The following SPATA22 variants were observed in gnomAD, a reference collection of about 807,000 sequenced individuals.
SPATA22 encodes the protein spermatogenesis associated 22, also known as spermatogenesis-associated protein 22.
A neutral mutation model predicts 47.8 loss-of-function variants in SPATA22; 29 were observed. The observed-to-expected ratio is 0.61, with a 90% CI of 0.45 to 0.83. The LOEUF is 0.83. SPATA22 is among the 40% of genes least tolerant of loss of function. The pLI is 0.00. For synonymous variants in SPATA22, 133 were observed against 140.9 expected (o/e 0.94, Z 0.40); for missense variants, 410 against 421.7 (o/e 0.97, Z 0.24).
At chr17:3,494,223 C>T (rs898690999) in intron 1 of SPATA22, 5 of 700,064 alleles carry the variant, frequency 7.1e-6, no homozygotes, top group South Asian at 1.4e-5. Flanking sequence ...AGGCTGTTCT[C>T]GAACTCCTGA....
At chr17:3,464,115 C>G (rs1452942308) in intron 3 of SPATA22, among the ~76,000 whole-genome samples, 2 of 151,944 alleles carry the variant, frequency 1.3e-5, no homozygotes, top group Non-Finnish European at 2.9e-5. Flanking sequence ...CGAGTGCCTG[C>G]GATTGCAGGC....
At chr17:3,496,064 T>C (rs1419604920) in intron 1 of SPATA22, among the ~76,000 whole-genome samples, 1 of 152,168 alleles carries the variant, frequency 6.6e-6, no homozygotes, top group African/African-American at 2.4e-5. Context: ...GTGAGATGAA[T>C]GAGATCAGTA....
intron 2 of SPATA22, 112 bp from the exon 3 acceptor site, chr17:3,467,666 A>C (rs139754027): frequency 4.2e-6 from 3 of 721,022 alleles, no homozygotes; most frequent in Non-Finnish European, 6.0e-6. Context: ...CTATATGCTA[A>C]TATACTTATA....
intron 1 of SPATA22, among the ~76,000 whole-genome samples, chr17:3,478,773 A>G (rs1272192094): frequency 1.3e-5 from 2 of 152,062 alleles, no homozygotes; most frequent in Non-Finnish European, 2.9e-5. Context: ...GCCTCTCCCA[A>G]ATTTATTCAT....
intron 1 of SPATA22, chr17:3,511,875 C>A (rs2074118146): frequency 1.3e-5 from 2 of 152,170 alleles, no homozygotes; most frequent in African/African-American, 4.8e-5. Context: ...TGAGTCAAAG[C>A]AATTCTGGAA....
chr17:3,458,855 CA>C (rs545223532), intron 5 of SPATA22, among the ~76,000 whole-genome samples: 7,913 of 37,390 alleles, frequency 0.21, 147 homozygotes, highest in East Asian at 0.32. Context: ...CGAAACTTCA[CA>C]AAAAAAAAAA....
chr17:3,495,180 A>G (rs1347104418), intron 1 of SPATA22, among the ~76,000 whole-genome samples: 1 of 152,222 alleles, frequency 6.6e-6, no homozygotes, highest in Non-Finnish European at 1.5e-5. Context: ...TTCCAAAGCC[A>G]AAGTATCCAT....
intron 1 of SPATA22, among the ~76,000 whole-genome samples, chr17:3,497,947 T>G (rs1401049366): frequency 6.6e-6 from 1 of 152,148 alleles, no homozygotes; most frequent in Non-Finnish European, 1.5e-5. Context: ...GTTCCCGTGG[T>G]GTGACAGCCA....
intron 6 of SPATA22, among the ~76,000 whole-genome samples, chr17:3,448,249 T>A (rs2072773040): frequency 6.6e-6 from 1 of 152,312 alleles, no homozygotes; most frequent in Non-Finnish European, 1.5e-5. Context: ...AAGTTGATCA[T>A]AAAGAAAACT....
At chr17:3,466,902 TG>T (rs200835040) in intron 3 of SPATA22, among the ~76,000 whole-genome samples, 3 of 152,048 alleles carry the variant, frequency 2.0e-5, no homozygotes, top group African/African-American at 4.8e-5. Flanking sequence ...ACATATAAAT[TG>T]GGGGGGATCA....
At chr17:3,475,990 G>C, upstream of SPATA22, 1 of 642,622 alleles carries the variant, frequency 1.6e-6, no homozygotes, top group Non-Finnish European at 2.7e-6. Flanking sequence ...GTCCATAAAC[G>C]GGGCTCAGAA....
chr17:3,489,397 C>A, intron 1 of SPATA22: 1 of 1,394,222 alleles, frequency 7.2e-7, no homozygotes, highest in Non-Finnish European at 1.0e-6. Context: ...ATTTAAATAA[C>A]AATTGGAACC....
At chr17:3,446,629 T>C (rs1180633148) in intron 6 of SPATA22, 28 bp from the exon 7 acceptor site, 1 of 1,464,186 alleles carries the variant, frequency 6.8e-7, no homozygotes, top group East Asian at 2.4e-5. Flanking sequence ...AACATAGTAT[T>C]AGAAAAATAT....
chr17:3,499,081 T>G lies in SPATA22; in HGVS notation c.-74+14331A>C, dbSNP rs1555541343. Reference sequence around the variant, plus strand: ...AATGCAAAAAGTATTCGCTGCTGTTTACATTAGAAATCACTTCCAGCTTAC... The same window carrying G: ...AATGCAAAAAGTATTCGCTGCTGTTGACATTAGAAATCACTTCCAGCTTAC... On this transcript the variant is annotated intron_variant, in intron 1 of 8. Transcript: ENST00000541913. 1 of 1,613,852 alleles carries G rather than the reference T, an allele frequency of 6.2e-7. No individual in the cohort carries two copies. Among genetic ancestry groups the G allele is most frequent in the Non-Finnish European group, 8.5e-7 (1 of 1,179,848 alleles).
intron 2 of SPATA22, 89 bp from the exon 3 acceptor site, chr17:3,467,643 C>G: frequency 1.0e-6 from 1 of 963,314 alleles, no homozygotes; most frequent in Middle Eastern, 3.4e-4. Context: ...ACACACTTTA[C>G]ATTTATCTAC....
At chr17:3,480,043 G>A (rs1425401356) in intron 1 of SPATA22, among the ~76,000 whole-genome samples, 2 of 71,220 alleles carry the variant, frequency 2.8e-5, no homozygotes, top group Non-Finnish European at 7.5e-5. Context: ...TTTTTGGAGA[G>A]GTTAGACTCT....
rs530187003 is a variant in SPATA22 at position 3,440,071 on chromosome 17, T to C, written c.*76A>G. ...AACAAGTGAAATACAATAGTAGCTA[T>C]AAAACTATGGAGATGGTAAATTAAG... On this transcript the variant is annotated 3_prime_UTR_variant, in exon 9 of 9. Coordinates refer to ENST00000572969, the MANE Select transcript of SPATA22 (RefSeq NM_001170698.2). The C allele has an allele frequency of 1.1e-6, 1 of 940,832 alleles. No homozygotes were observed. The highest frequency in any genetic ancestry group is 1.7e-5 in the African/African-American group (1 of 59,160). 58.3% of individuals were successfully genotyped at this position (940,832 alleles called of 1,614,324 possible). A position where few individuals can be genotyped will look rare whatever the true frequency, so the allele number is the denominator to read the frequency against.
At chr17:3,462,794 AAAGT>A in intron 3 of SPATA22, 27 bp from the exon 4 acceptor site, 2 of 1,512,236 alleles carry the variant, frequency 1.3e-6, no homozygotes, top group African/African-American at 1.4e-5. Flanking sequence ...AACATAGATA[AAAGT>A]AAGATAGGTA....
intron 1 of SPATA22, chr17:3,502,093 C>T (rs116109217): frequency 6.6e-6 from 1 of 152,188 alleles, no homozygotes; most frequent in African/African-American, 2.4e-5. Context: ...GAAATTGTCA[C>T]GGCCATCCCA....
Sources: allele counts gnomAD v4.1 joint callset (sites outside exome capture counted in the v4.1 genomes callset), GRCh38; gene constraint gnomAD v4.1.1; transcripts MANE v1.5; gene names NCBI Gene and HGNC (gene_info 2026-07-23, HGNC 2026-07-21).